Variants in EYS observed in about 807,000 individuals in gnomAD.
The protein encoded by EYS is EGF-like photoreceptor maintenance factor, also known as protein eyes shut homolog.
Under a neutral mutation model 282.1 loss-of-function variants are expected in EYS, and 250 were observed. The observed-to-expected ratio is 0.89, with a 90% CI of 0.80 to 0.98. EYS has a LOEUF of 0.98. Among genes scored for constraint, EYS ranks in the 50% least tolerant of loss-of-function variants. EYS has a pLI of 0.00. For synonymous variants in EYS, 1,355 were observed against 1,282.9 expected (o/e 1.06, Z -1.20); for missense variants, 4,016 against 3,709.0 (o/e 1.08, Z -2.15).
chr6:64,660,334 G>A (rs1190316841), intron 22 of EYS, among the ~76,000 whole-genome samples: 17 of 151,738 alleles, frequency 1.1e-4, no homozygotes, highest in Non-Finnish European at 2.4e-4. Context: ...CACAAGACAG[G>A]GATGCCCTCT....
At chr6:65,337,800 A>G (rs1207582993) in intron 10 of EYS, among the ~76,000 whole-genome samples, 1 of 150,834 alleles carries the variant, frequency 6.6e-6, no homozygotes, top group Non-Finnish European at 1.5e-5. Context: ...CCAAAACTTC[A>G]AACTACCCAT....
At chr6:63,949,487 G>C (rs1312226937) in intron 35 of EYS, among the ~76,000 whole-genome samples, 1 of 152,048 alleles carries the variant, frequency 6.6e-6, no homozygotes, top group East Asian at 1.9e-4. Context: ...CAGTTCTCAG[G>C]ACTGGGTTAG....
chr6:65,495,305 GT>G lies in EYS; in HGVS notation c.105del (p.Gln35HisfsTer7), dbSNP rs1175908615. The G allele has an allele frequency of 1.2e-6, 2 of 1,613,882 alleles. No individual in the cohort carries two copies. Among genetic ancestry groups the G allele is most frequent in the Non-Finnish European group, 1.7e-6 (2 of 1,180,018 alleles). On this transcript the variant is annotated frameshift_variant, in exon 4 of 43. Transcript: ENST00000503581. LOFTEE classifies it high-confidence loss of function. ...GTCCAATTTACCACATATGATGAGG[GT>G]TGTGGATGCCATTCTTCCACCAATT... ...RRQLVEEWHP[Q>X]PSSYVVNWTL...
Position 65,606,317 on chromosome 6 carries a change from T to G in EYS, c.-333+33461A>C, listed in dbSNP as rs531336644. Reference sequence around the variant, plus strand: ...AACTATTTATTGCTTTATATTTACTTACTACATATTCCAAGCCATACTAAA... The same window carrying G: ...AACTATTTATTGCTTTATATTTACTGACTACATATTCCAAGCCATACTAAA... On this transcript the variant is annotated intron_variant, in intron 2 of 42. Transcript: ENST00000503581. Among the ~76,000 whole-genome samples, 6 of 151,972 alleles carry G rather than the reference T, an allele frequency of 3.9e-5. No individual in the cohort carries two copies. In the East Asian group the frequency reaches 1.2e-3, roughly 29 times the overall value.
intron 12 of EYS, among the ~76,000 whole-genome samples, chr6:65,216,194 T>C (rs1435641625): frequency 6.6e-6 from 1 of 152,096 alleles, no homozygotes; most frequent in East Asian, 1.9e-4. Flanking sequence ...GTTCATCTTT[T>C]GTTCATGTTT....
chr6:65,096,657 G>A (rs540684521), intron 12 of EYS, among the ~76,000 whole-genome samples: 2 of 150,976 alleles, frequency 1.3e-5, no homozygotes, highest in African/African-American at 4.8e-5. Context: ...GACATATAGA[G>A]TAATCAAACA....
At chr6:64,515,285 A>T (rs1238300936) in intron 26 of EYS, among the ~76,000 whole-genome samples, 1 of 151,732 alleles carries the variant, frequency 6.6e-6, no homozygotes. Context: ...TTTCTGTAAG[A>T]ATAAGAAAAT....
intron 22 of EYS, among the ~76,000 whole-genome samples, chr6:64,706,962 G>C (rs1771039981): frequency 6.6e-6 from 1 of 152,020 alleles, no homozygotes; most frequent in Non-Finnish European, 1.5e-5. Context: ...CCCCACTGCT[G>C]GGTATTTATC....
At chr6:64,261,833 C>T (rs2144229) in intron 30 of EYS, among the ~76,000 whole-genome samples, 95,740 of 151,168 alleles carry the variant, frequency 0.63, 30,890 homozygotes, top group South Asian at 0.71. Context: ...CTTGGCTAAC[C>T]ACAACCACCA....
chr6:64,116,167 A>C (rs1773376198), intron 31 of EYS, among the ~76,000 whole-genome samples: 1 of 152,104 alleles, frequency 6.6e-6, no homozygotes, highest in Non-Finnish European at 1.5e-5. Context: ...AGCAGAAGAA[A>C]GACTTGACTT....
Position 65,565,737 on chromosome 6 carries a change from G to A in EYS, c.-332-69744C>T, listed in dbSNP as rs114647625. 6.4e-3 allele frequency among the ~76,000 whole-genome samples: 969 copies of A among 152,182 alleles called. 11 individuals carry two copies. The highest frequency in any genetic ancestry group is 0.022 in the African/African-American group (912 of 41,506). ...TGATAGGCTGGATAAAGAAAATGCG[G>A]CACATATACAACATGGAACACTATG... On this transcript the variant is annotated intron_variant, in intron 2 of 42. Coordinates refer to ENST00000503581, the MANE Select transcript of EYS (RefSeq NM_001142800.2).
At chr6:64,083,896 C>A (rs1772058965) in intron 31 of EYS, among the ~76,000 whole-genome samples, 1 of 152,104 alleles carries the variant, frequency 6.6e-6, no homozygotes, top group Admixed American at 6.6e-5. Context: ...TGCCACCATG[C>A]CTGGCTAACT....
chr6:64,306,417 G>C (rs1309441124), intron 30 of EYS, among the ~76,000 whole-genome samples: 1 of 151,896 alleles, frequency 6.6e-6, no homozygotes, highest in African/African-American at 2.4e-5. Flanking sequence ...TTAATAACAG[G>C]GAAGAAACAA....
At chr6:64,779,468 G>A (rs971990755) in intron 22 of EYS, among the ~76,000 whole-genome samples, 8 of 152,032 alleles carry the variant, frequency 5.3e-5, no homozygotes, top group Admixed American at 1.3e-4. Flanking sequence ...AAAGATCAGC[G>A]TTTGCCAGGA....
At chr6:64,665,696 T>C (rs566338133) in intron 22 of EYS, among the ~76,000 whole-genome samples, 1 of 152,298 alleles carries the variant, frequency 6.6e-6, no homozygotes, top group South Asian at 2.1e-4. Context: ...AATTGTCACG[T>C]TTTCACTTCC....
At chr6:64,161,800 G>C (rs1248693993) in intron 31 of EYS, among the ~76,000 whole-genome samples, 1 of 152,150 alleles carries the variant, frequency 6.6e-6, no homozygotes, top group Non-Finnish European at 1.5e-5. Context: ...CTGTATATAG[G>C]TGGAGAGCTG....
At chr6:63,996,571 T>TA (rs996129615) in intron 34 of EYS, among the ~76,000 whole-genome samples, 10 of 151,526 alleles carry the variant, frequency 6.6e-5, no homozygotes, top group African/African-American at 1.9e-4. Context: ...AGATTAGAAA[T>TA]AAAAAAAAGA....
At chr6:64,671,877 A>T (rs564868262) in intron 22 of EYS, among the ~76,000 whole-genome samples, 2 of 152,316 alleles carry the variant, frequency 1.3e-5, no homozygotes, top group East Asian at 3.9e-4. Flanking sequence ...CAACATTATT[A>T]TTAAGTATGT....
chr6:64,901,015 GA>G (rs569806203), intron 18 of EYS, among the ~76,000 whole-genome samples: 45 of 147,452 alleles, frequency 3.1e-4, no homozygotes, highest in South Asian at 2.8e-3. Context: ...TGTTATACTG[GA>G]AAAAAAAAAT....
Sources: gnomAD v4.1 joint callset for allele counts (sites outside exome capture counted in the v4.1 genomes callset) on GRCh38, gnomAD v4.1.1 for gene constraint, MANE v1.5 for transcripts, NCBI Gene and HGNC (gene_info 2026-07-23, HGNC 2026-07-21) for gene names.